The following DDX4 variants were observed in gnomAD, a reference collection of about 807,000 sequenced individuals.
DDX4 encodes the protein DEAD-box helicase 4, also known as probable ATP-dependent RNA helicase DDX4.
DDX4 carries 25 observed loss-of-function variants against 100.0 expected under a neutral mutation model. That is an observed-to-expected ratio of 0.25 (90% CI 0.18 to 0.35). DDX4 has a LOEUF of 0.35. Among genes scored for constraint, DDX4 ranks in the 10% least tolerant of loss-of-function variants. The probability of loss-of-function intolerance (pLI) is 1.00; values close to 1 mark genes in which losing one functional copy is unlikely to be tolerated. For missense variants in DDX4, 635 were observed against 882.4 expected, an observed-to-expected ratio of 0.72 and a Z score of 3.55; for synonymous variants, 259 against 275.7, an observed-to-expected ratio of 0.94 and a Z score of 0.60.
chr5:55,763,639 G>A (rs1045559505), intron 5 of DDX4, among the ~76,000 whole-genome samples: 5 of 152,104 alleles, frequency 3.3e-5, no homozygotes, highest in African/African-American at 9.7e-5. Flanking sequence ...TTATAATTTA[G>A]TTGTATTGTC....
At chr5:55,757,317 T>TGCATC (rs1431373465) in intron 3 of DDX4, among the ~76,000 whole-genome samples, 1 of 152,218 alleles carries the variant, frequency 6.6e-6, no homozygotes, top group Non-Finnish European at 1.5e-5. Context: ...CTTATGCCTT[T>TGCATC]GCATCCTCAT....
chr5:55,739,123 T>C lies in DDX4; in HGVS notation c.69+91T>C, dbSNP rs1259702196. 6 of 782,022 alleles carry C rather than the reference T, an allele frequency of 7.7e-6. 1 individual carries two copies. Among genetic ancestry groups the C allele is most frequent in the East Asian group, 4.9e-5 (2 of 40,468 alleles). The allele number at this position is 782,022 out of a possible 1,614,324, so 48.4% of individuals were successfully genotyped here. The stretch of plus-strand genomic sequence containing the variant: ...TGAGAGTTCTAAATTATACAGTCTG[T>C]GTCAGTGTTTATCTCCATGTGATTG... On this transcript the variant is annotated intron_variant, in intron 2 of 21. Coordinates refer to ENST00000505374, the MANE Select transcript of DDX4 (RefSeq NM_024415.3).
chr5:55,798,624 T>C, intron 18 of DDX4, 53 bp downstream of exon 18: 1 of 1,501,502 alleles, frequency 6.7e-7, no homozygotes, highest in Middle Eastern at 1.8e-4. Context: ...TTTTAATGAA[T>C]AATTTAAAAA....
At chr5:55,808,808 CTGCG>C (rs1743924300) in intron 18 of DDX4, among the ~76,000 whole-genome samples, 1 of 152,222 alleles carries the variant, frequency 6.6e-6, no homozygotes, top group Non-Finnish European at 1.5e-5. Context: ...AGATGTCTGG[CTGCG>C]TGCTGGGAGA....
chr5:55,800,178 T>C (rs1408076381), intron 18 of DDX4, among the ~76,000 whole-genome samples: 2 of 152,184 alleles, frequency 1.3e-5, no homozygotes, highest in Non-Finnish European at 2.9e-5. Flanking sequence ...GTAGATTTTG[T>C]CATTATCCCC....
rs547952910 is a variant in DDX4, at chr5:55,814,816, A to G, written c.1716-85A>G. 2.0e-6 allele frequency: 3 copies of G among 1,466,874 alleles called. 1 individual carries two copies. In the African/African-American group the frequency reaches 4.2e-5, roughly 21 times the overall value. The allele number at this position is 1,466,874 out of a possible 1,614,324, so 90.9% of individuals were successfully genotyped here. On this transcript the variant is annotated intron_variant, in intron 19 of 21. Coordinates refer to ENST00000505374, the MANE Select transcript of DDX4 (RefSeq NM_024415.3). ...AATGCTGCTATTCATACTATTATTA[A>G]AAAGAAATTTGTATGTTGAACTTTA...
intron 3 of DDX4, among the ~76,000 whole-genome samples, chr5:55,750,769 A>G (rs749627836): frequency 1.3e-5 from 2 of 152,140 alleles, no homozygotes; most frequent in Non-Finnish European, 2.9e-5. Flanking sequence ...TTTGATGTGT[A>G]TTTTTAACTT....
intron 15 of DDX4, among the ~76,000 whole-genome samples, chr5:55,789,621 C>T (rs758406217): frequency 3.9e-5 from 6 of 152,212 alleles, no homozygotes; most frequent in African/African-American, 9.6e-5. Context: ...TGACCCCACT[C>T]AGGAGTGGCT....
intron 2 of DDX4, among the ~76,000 whole-genome samples, chr5:55,739,678 A>G (rs1480797888): frequency 6.6e-6 from 1 of 152,216 alleles, no homozygotes; most frequent in East Asian, 1.9e-4. Flanking sequence ...GTTCCCCTTC[A>G]GAATTTCCAG....
intron 13 of DDX4, among the ~76,000 whole-genome samples, chr5:55,786,129 G>A (rs1489051963): frequency 6.6e-6 from 1 of 152,122 alleles, no homozygotes; most frequent in Non-Finnish European, 1.5e-5. Context: ...GCTTTTCCTA[G>A]TGATTCAAGA....
At chr5:55,797,720 A>G (rs926826147) in intron 17 of DDX4, among the ~76,000 whole-genome samples, 7 of 152,296 alleles carry the variant, frequency 4.6e-5, no homozygotes, top group Non-Finnish European at 7.3e-5. Flanking sequence ...CCACTCCCCT[A>G]TATTTCTATG....
At chr5:55,778,800 A>G (rs1036032509) in intron 7 of DDX4, among the ~76,000 whole-genome samples, 2 of 152,072 alleles carry the variant, frequency 1.3e-5, no homozygotes, top group Admixed American at 1.3e-4. Flanking sequence ...AGGCTGAGAC[A>G]GGAGAATCGC....
rs1177986337 is a variant in DDX4 at position 55,782,327 on chromosome 5, G to A, written c.625+346G>A. On this transcript the variant is annotated intron_variant, in intron 10 of 21. Transcript: ENST00000505374. ...CATAAATAAAAAACTGTTTAAGTCC[G>A]GGTGCGGTGGCTCATGCCTGTAATT... 3 of 201,918 alleles carry A rather than the reference G, an allele frequency of 1.5e-5. No individual in the cohort carries two copies. The East Asian group carries it at 3.5e-4, about 23-fold the overall frequency. The allele number at this position is 201,918 out of a possible 1,614,324, so 12.5% of individuals were successfully genotyped here.
At chr5:55,771,270 A>G (rs772869609) in intron 7 of DDX4, among the ~76,000 whole-genome samples, 17 of 152,158 alleles carry the variant, frequency 1.1e-4, no homozygotes, top group Non-Finnish European at 1.2e-4. Flanking sequence ...TGGCACCTCA[A>G]AAGCCCCTTT....
chr5:55,792,783 C>A lies in DDX4; in HGVS notation c.1445C>A (p.Ala482Glu). 1 of 1,460,694 alleles carries A rather than the reference C, an allele frequency of 6.8e-7. No individual in the cohort carries two copies. Among genetic ancestry groups the A allele is most frequent in the Non-Finnish European group, 9.1e-7 (1 of 1,104,690 alleles). 90.5% of individuals were successfully genotyped at this position (1,460,694 alleles called of 1,614,324 possible). A position where few individuals can be genotyped will look rare whatever the true frequency, so the allele number is the denominator to read the frequency against. Residue 482 changes from alanine to glutamate, a missense_variant, in exon 17 of 22, where the codon GCA becomes GAA. This residue lies in a region of DDX4 where 115 missense variants were observed against 224.7 expected (regional missense o/e 0.51). Coordinates refer to ENST00000505374, the MANE Select transcript of DDX4 (RefSeq NM_024415.3). The stretch of plus-strand genomic sequence containing the variant: ...CAGCGCCAAACCCTTATGTTCAGTG[C>A]AACTTTTCCAGAGGAAATTCAAAGG... ...KEQRQTLMFSATFPEEIQRLA... is the reference protein window; with the variant it reads ...KEQRQTLMFSETFPEEIQRLA...
chr5:55,794,961 AC>A (rs993753462), intron 17 of DDX4, among the ~76,000 whole-genome samples: 2 of 139,420 alleles, frequency 1.4e-5, no homozygotes, highest in African/African-American at 5.5e-5. Flanking sequence ...GTAGCCCCAG[AC>A]CTTTTTTTTT....
intron 3 of DDX4, 150 bp from the exon 4 acceptor site, chr5:55,760,050 A>ATTT (rs74270749): frequency 1.5e-4 from 74 of 480,488 alleles, no homozygotes; most frequent in African/African-American, 8.4e-4. Flanking sequence ...TCATGTAGCC[A>ATTT]TTTTTTTTTT....
intron 6 of DDX4, among the ~76,000 whole-genome samples, chr5:55,765,409 A>ATATATATATATATATATATATAT (rs1416478232): frequency 9.5e-6 from 1 of 104,830 alleles, no homozygotes; most frequent in South Asian, 2.8e-4. Flanking sequence ...AAAAAAAAAA[A>ATATATATATATATATATATATAT]AAAAATATAT....
chr5:55,745,755 A>G (rs1759216155), intron 2 of DDX4, among the ~76,000 whole-genome samples: 1 of 152,182 alleles, frequency 6.6e-6, no homozygotes, highest in Admixed American at 6.5e-5. Flanking sequence ...GGGTGACTTA[A>G]ATGACTAAAC....
Sources: allele counts gnomAD v4.1 joint callset (sites outside exome capture counted in the v4.1 genomes callset), GRCh38; gene constraint gnomAD v4.1.1; regional missense constraint gnomAD v4.1.1; transcripts MANE v1.5; gene names NCBI Gene and HGNC (gene_info 2026-07-23, HGNC 2026-07-21).